Variants in EHD4 observed in about 807,000 individuals in gnomAD.
EHD4 encodes EH domain containing 4, also known as EH domain-containing protein 4.
EHD4 carries 37 observed loss-of-function variants against 51.0 expected under a neutral mutation model. The ratio of observed to expected loss-of-function variants is 0.73; its 90% CI spans 0.56 to 0.95. The LOEUF is 0.95. Among genes scored for constraint, EHD4 ranks in the 40% least tolerant of loss-of-function variants. The pLI is 0.00. For missense variants in EHD4, 632 were observed against 733.1 expected (o/e 0.86, Z 1.59); for synonymous variants, 297 against 317.3 (o/e 0.94, Z 0.68).
Position 41,909,824 on chromosome 15 carries a change from G to GC in EHD4, c.963dup (p.Pro322AlafsTer37). On this transcript the variant is annotated frameshift_variant, in exon 5 of 6. Coordinates refer to ENST00000220325, the MANE Select transcript of EHD4 (RefSeq NM_139265.4). LOFTEE classifies it high-confidence loss of function. Reference sequence around the variant, plus strand: ...TTGTTTTCCTTTCCAAATACACTTGGCATCTCCTTCTTCAGGTAGCTGATG... The same window carrying GC: ...TTGTTTTCCTTTCCAAATACACTTGGCCATCTCCTTCTTCAGGTAGCTGATG... 1.2e-6 allele frequency: 2 copies of GC among 1,614,184 alleles called. No individual in the cohort carries two copies. Among genetic ancestry groups the GC allele is most frequent in the Non-Finnish European group, 1.7e-6 (2 of 1,180,038 alleles).
At chr15:41,941,006 T>A (rs1223987474) in intron 3 of EHD4, among the ~76,000 whole-genome samples, 3 of 152,132 alleles carry the variant, frequency 2.0e-5, no homozygotes, top group African/African-American at 7.2e-5. Flanking sequence ...GGAGAAGCAG[T>A]GAAACACGGG....
In EHD4 at chr15:41,901,037, C is replaced by T. The variant is rs1012428913; in HGVS notation, c.1234G>A (p.Val412Met). 1 of 1,611,974 alleles carries T rather than the reference C, an allele frequency of 6.2e-7. No individual in the cohort carries two copies. The highest frequency in any genetic ancestry group is 8.5e-7 in the Non-Finnish European group (1 of 1,178,770). The stretch of plus-strand genomic sequence containing the variant: ...GTGCCATCGAAGGCGCCGCCCTGCA[C>T]CAGCTGCGTGGGCGTGCTCGTCTCC... ...QEETSTPTQLVQGGAFDGTTE... is the reference protein window; with the variant it reads ...QEETSTPTQLMQGGAFDGTTE... The change falls in exon 6 of 6, where the codon GTG (valine) becomes ATG (methionine). Residue 412 changes from valine (V) to methionine (M), a missense_variant. Coordinates refer to ENST00000220325, the MANE Select transcript of EHD4 (RefSeq NM_139265.4).
At chr15:41,901,207 G>A (rs1222912972) in intron 5 of EHD4, 26 bp from the exon 6 acceptor site, 2 of 1,520,902 alleles carry the variant, frequency 1.3e-6, no homozygotes, top group Non-Finnish European at 1.8e-6. Flanking sequence ...CCACAGGATG[G>A]GTTACATGTG....
At chr15:41,935,741 AC>A (rs1306438260) in intron 3 of EHD4, among the ~76,000 whole-genome samples, 1 of 152,196 alleles carries the variant, frequency 6.6e-6, no homozygotes, top group Non-Finnish European at 1.5e-5. Flanking sequence ...GTCATCAGCC[AC>A]CTTAAAATGT....
chr15:41,953,642 G>A, intron 2 of EHD4, 122 bp downstream of exon 2: 1 of 1,073,048 alleles, frequency 9.3e-7, no homozygotes, highest in African/African-American at 1.6e-5. Flanking sequence ...AACATATTTT[G>A]TATGACTTCT....
chr15:41,919,395 T>A lies in EHD4; in HGVS notation c.739A>T (p.Ile247Phe). The change falls in exon 4 of 6, where the codon ATC becomes TTC. Residue 247 changes from isoleucine to phenylalanine, a missense_variant. By Grantham distance (21) the Ile-to-Phe change is conservative. Transcript: ENST00000220325. ...ACGCGCAGTACCTCGGGCGTGTTGA[T>A]GACCTTGCCTAGGGACCACATGAGG... ...GALMWSLGKVINTPEVLRVYI... is the reference protein window; with the variant it reads ...GALMWSLGKVFNTPEVLRVYI... 1 of 1,609,136 alleles carries A rather than the reference T, an allele frequency of 6.2e-7. No individual in the cohort carries two copies. The highest frequency in any genetic ancestry group is 8.5e-7 in the Non-Finnish European group (1 of 1,177,016).
intron 3 of EHD4, 81 bp downstream of exon 3, chr15:41,942,986 T>G: frequency 7.6e-7 from 1 of 1,320,786 alleles, no homozygotes; most frequent in Non-Finnish European, 1.1e-6. Flanking sequence ...GATAGAATAA[T>G]ATAGGGACAG....
chr15:41,928,618 G>A (rs2067678323), intron 3 of EHD4: 1 of 152,092 alleles, frequency 6.6e-6, no homozygotes, highest in South Asian at 2.1e-4. Flanking sequence ...AAAAATTATT[G>A]GCCCACTTGC....
intron 1 of EHD4, among the ~76,000 whole-genome samples, chr15:41,962,343 G>C (rs1411645154): frequency 1.3e-5 from 2 of 152,098 alleles, no homozygotes; most frequent in African/African-American, 4.8e-5. Flanking sequence ...AGAGTCTTGA[G>C]CTAAAATTAT....
At chr15:41,941,133 G>T (rs950395025) in intron 3 of EHD4, among the ~76,000 whole-genome samples, 13 of 152,070 alleles carry the variant, frequency 8.5e-5, no homozygotes, top group African/African-American at 3.1e-4. Flanking sequence ...AAAATTGATT[G>T]GCACTGAGGT....
At chr15:41,957,372 G>A (rs1294449239) in intron 1 of EHD4, among the ~76,000 whole-genome samples, 1 of 152,072 alleles carries the variant, frequency 6.6e-6, no homozygotes, top group Admixed American at 6.6e-5. Flanking sequence ...GGGATTTTGC[G>A]GAGTTGACCT....
chr15:41,941,671 C>T (rs1020437228), intron 3 of EHD4: 3 of 151,832 alleles, frequency 2.0e-5, no homozygotes, highest in African/African-American at 7.3e-5. Flanking sequence ...TGGCAAGTCC[C>T]TGACTGAAAC....
intron 3 of EHD4, among the ~76,000 whole-genome samples, chr15:41,936,730 G>A (rs1313653415): frequency 6.6e-6 from 1 of 152,188 alleles, no homozygotes; most frequent in Non-Finnish European, 1.5e-5. Flanking sequence ...AGCTGCCGGG[G>A]CTGGCGAACG....
Position 41,972,520 on chromosome 15 carries a change from G to A in EHD4, c.-26C>T, listed in dbSNP as rs751951523. ...CCTGCCGCCAGTCCACGCTCGGATG[G>A]GACCCTGCTCCGGGTTCGACTCTCC... On this transcript the variant is annotated 5_prime_UTR_variant, in exon 1 of 6. Transcript: ENST00000220325. 2 of 1,477,736 alleles carry A rather than the reference G, an allele frequency of 1.4e-6. No homozygotes were observed. Among genetic ancestry groups the A allele is most frequent in the East Asian group, 5.4e-5 (2 of 36,840 alleles). 91.5% of individuals were successfully genotyped at this position (1,477,736 alleles called of 1,614,324 possible).
chr15:41,963,914 G>C (rs2067944155), intron 1 of EHD4, among the ~76,000 whole-genome samples: 1 of 151,872 alleles, frequency 6.6e-6, no homozygotes. Flanking sequence ...GGGAGGCCGA[G>C]GCAGGTGGAT....
At chr15:41,945,605 G>C (rs1004853676) in intron 2 of EHD4, among the ~76,000 whole-genome samples, 1 of 152,208 alleles carries the variant, frequency 6.6e-6, no homozygotes, top group African/African-American at 2.4e-5. Context: ...CAGTGTCCAG[G>C]GGTGAGGGGC....
At chr15:41,902,035 C>T (rs1004964864) in intron 5 of EHD4, among the ~76,000 whole-genome samples, 1 of 152,182 alleles carries the variant, frequency 6.6e-6, no homozygotes, top group Admixed American at 6.5e-5. Context: ...GCCTGAGTAT[C>T]ACTGGCCAGG....
intron 1 of EHD4, among the ~76,000 whole-genome samples, chr15:41,962,303 A>G (rs938706454): frequency 6.6e-6 from 1 of 152,218 alleles, no homozygotes; most frequent in Non-Finnish European, 1.5e-5. Flanking sequence ...AATTGATAGC[A>G]TTTGAAAAAT....
At chr15:41,940,701 G>A (rs1210931039) in intron 3 of EHD4, among the ~76,000 whole-genome samples, 1 of 152,216 alleles carries the variant, frequency 6.6e-6, no homozygotes, top group Non-Finnish European at 1.5e-5. Context: ...TAGTAAGTCA[G>A]ACCAGGATAT....
Sources: gnomAD v4.1 joint callset for allele counts (sites outside exome capture counted in the v4.1 genomes callset) on GRCh38, gnomAD v4.1.1 for gene constraint, MANE v1.5 for transcripts, NCBI Gene and HGNC (gene_info 2026-07-23, HGNC 2026-07-21) for gene names.